Variants in MARCHF3 observed in about 807,000 individuals in gnomAD.
MARCHF3 encodes the protein membrane associated ring-CH-type finger 3.
MARCHF3 carries 13 observed loss-of-function variants against 24.2 expected under a neutral mutation model. The observed-to-expected ratio is 0.54, with a 90% CI of 0.35 to 0.85. The LOEUF (loss-of-function observed/expected upper bound fraction) is 0.85, where lower values mean the gene tolerates loss of function less well. Among genes scored for constraint, MARCHF3 ranks in the 40% least tolerant of loss-of-function variants. MARCHF3 has a pLI of 0.01. For missense variants in MARCHF3, 276 were observed against 325.0 expected (o/e 0.85, Z 1.16); for synonymous variants, 144 against 137.3 (o/e 1.05, Z -0.34).
At chr5:126,875,813 G>GT (rs1186482763) in intron 4 of MARCHF3, among the ~76,000 whole-genome samples, 1 of 152,222 alleles carries the variant, frequency 6.6e-6, no homozygotes, top group Admixed American at 6.5e-5. Context: ...TTGCATGTAT[G>GT]TTCTCAGACG....
intron 1 of MARCHF3, among the ~76,000 whole-genome samples, chr5:126,977,748 GA>G (rs1477617246): frequency 1.3e-3 from 192 of 152,304 alleles, no homozygotes; most frequent in African/African-American, 4.4e-3. Flanking sequence ...AAGTGTACAG[GA>G]ATGGCTAAAC....
chr5:126,999,247 A>AT (rs1392391860), intron 1 of MARCHF3, among the ~76,000 whole-genome samples: 1 of 151,964 alleles, frequency 6.6e-6, no homozygotes, highest in Non-Finnish European at 1.5e-5. Context: ...AAATGTGTCC[A>AT]TTTTCTTCCT....
At chr5:126,935,247 C>T (rs2126806142) in intron 1 of MARCHF3, among the ~76,000 whole-genome samples, 1 of 152,266 alleles carries the variant, frequency 6.6e-6, no homozygotes, top group East Asian at 1.9e-4. Flanking sequence ...AATTGATAGG[C>T]TGAGCAAACA....
At chr5:126,875,425 GCT>G (rs1491525593) in intron 4 of MARCHF3, among the ~76,000 whole-genome samples, 1 of 152,210 alleles carries the variant, frequency 6.6e-6, no homozygotes, top group Non-Finnish European at 1.5e-5. Context: ...TCCAGGAACG[GCT>G]CCTCTGAGGA....
At chr5:126,957,030 G>A (rs1750471093) in intron 1 of MARCHF3, among the ~76,000 whole-genome samples, 1 of 152,206 alleles carries the variant, frequency 6.6e-6, no homozygotes, top group Admixed American at 6.5e-5. Flanking sequence ...GGGACTATGG[G>A]CACATGCCAT....
intron 1 of MARCHF3, among the ~76,000 whole-genome samples, chr5:127,018,726 G>A (rs1411165164): frequency 6.6e-6 from 1 of 152,176 alleles, no homozygotes; most frequent in Admixed American, 6.5e-5. Context: ...AGATAAGCAG[G>A]CCCAATCACC....
At chr5:126,910,275 C>G (rs1754470614) in intron 3 of MARCHF3, among the ~76,000 whole-genome samples, 1 of 152,192 alleles carries the variant, frequency 6.6e-6, no homozygotes, top group African/African-American at 2.4e-5. Flanking sequence ...AGTCTCAAAG[C>G]CTAGTGGCAA....
intron 1 of MARCHF3, among the ~76,000 whole-genome samples, chr5:126,985,532 C>T (rs539995610): frequency 1.3e-5 from 2 of 150,638 alleles, no homozygotes; most frequent in South Asian, 2.1e-4. Flanking sequence ...TGCAGTGGCA[C>T]GATCTTGGCT....
At chr5:127,008,985 G>T (rs1429478804) in intron 1 of MARCHF3, among the ~76,000 whole-genome samples, 3 of 151,828 alleles carry the variant, frequency 2.0e-5, no homozygotes, top group Non-Finnish European at 4.4e-5. Context: ...TATTTTTATA[G>T]CAGCAGGATC....
intron 1 of MARCHF3, among the ~76,000 whole-genome samples, chr5:126,927,984 C>T (rs745310552): frequency 6.6e-6 from 1 of 152,118 alleles, no homozygotes; most frequent in Non-Finnish European, 1.5e-5. Flanking sequence ...GGTACTTTTC[C>T]TTCAGGACAG....
intron 1 of MARCHF3, among the ~76,000 whole-genome samples, chr5:126,962,525 T>C (rs1750670927): frequency 6.6e-6 from 1 of 152,096 alleles, no homozygotes; most frequent in Admixed American, 6.6e-5. Flanking sequence ...AACTTTTTCA[T>C]TGCTGACATG....
chr5:126,912,531 C>T (rs1375353412), intron 3 of MARCHF3, among the ~76,000 whole-genome samples: 2 of 151,902 alleles, frequency 1.3e-5, no homozygotes, highest in African/African-American at 4.8e-5. Flanking sequence ...AATAAAGTAA[C>T]ACTAATCTTA....
At chr5:126,903,576 A>C (rs1233613845) in intron 3 of MARCHF3, among the ~76,000 whole-genome samples, 1 of 152,002 alleles carries the variant, frequency 6.6e-6, no homozygotes, top group Non-Finnish European at 1.5e-5. Context: ...AAAAATCAAA[A>C]CCAAACCAAA....
chr5:126,930,958 C>A (rs1293955959), intron 1 of MARCHF3, among the ~76,000 whole-genome samples: 1 of 152,184 alleles, frequency 6.6e-6, no homozygotes, highest in African/African-American at 2.4e-5. Context: ...AATATGCTGG[C>A]TCTGTCCACA....
intron 1 of MARCHF3, among the ~76,000 whole-genome samples, chr5:126,977,206 CAA>C (rs1338819352): frequency 4.6e-5 from 7 of 152,322 alleles, no homozygotes; most frequent in Admixed American, 3.9e-4. Context: ...TTGCCCTGTA[CAA>C]AGTCCTTTTT....
At chr5:126,990,466 C>G (rs1030655734) in intron 1 of MARCHF3, among the ~76,000 whole-genome samples, 1 of 152,096 alleles carries the variant, frequency 6.6e-6, no homozygotes, top group Non-Finnish European at 1.5e-5. Flanking sequence ...CTAGGCAATA[C>G]CATTCAGGAT....
intron 1 of MARCHF3, among the ~76,000 whole-genome samples, chr5:126,940,872 T>C (rs1394666145): frequency 6.6e-6 from 1 of 152,166 alleles, no homozygotes; most frequent in Non-Finnish European, 1.5e-5. Flanking sequence ...GAAACAAGCA[T>C]GCAATGTGAA....
At chr5:126,885,611 AG>A (rs1412592533) in intron 3 of MARCHF3, among the ~76,000 whole-genome samples, 1 of 152,192 alleles carries the variant, frequency 6.6e-6, no homozygotes, top group Non-Finnish European at 1.5e-5. Flanking sequence ...AAAAGAAAAA[AG>A]GAAAATGAAT....
chr5:126,961,072 T>C (rs1750622604), intron 1 of MARCHF3, among the ~76,000 whole-genome samples: 1 of 152,130 alleles, frequency 6.6e-6, no homozygotes, highest in African/African-American at 2.4e-5. Flanking sequence ...TTAGTACAGA[T>C]AATAAGATGA....
Sources: allele counts gnomAD v4.1 joint callset (sites outside exome capture counted in the v4.1 genomes callset), GRCh38; gene constraint gnomAD v4.1.1; transcripts MANE v1.5; gene names NCBI Gene and HGNC (gene_info 2026-07-23, HGNC 2026-07-21).